The following KCNIP4 variants were observed in gnomAD, a reference collection of about 807,000 sequenced individuals.
KCNIP4 encodes the protein Kv channel-interacting protein 4.
In KCNIP4, 12 loss-of-function variants were observed where a neutral mutation model predicts 34.0. That is an observed-to-expected ratio of 0.35 (90% CI 0.23 to 0.57). The LOEUF is 0.57. KCNIP4 is among the 20% of genes least tolerant of loss of function. The pLI is 0.83. For missense variants in KCNIP4, 238 were observed against 311.7 expected (o/e 0.76, Z 1.78); for synonymous variants, 124 against 102.2 (o/e 1.21, Z -1.29).
intron 1 of KCNIP4, among the ~76,000 whole-genome samples, chr4:20,981,832 T>C (rs1349442578): frequency 6.6e-6 from 1 of 152,188 alleles, no homozygotes; most frequent in African/African-American, 2.4e-5. Context: ...TCTATAAATA[T>C]TTATGTACAT....
At chr4:20,733,912 G>T (rs1228742522) in intron 6 of KCNIP4, among the ~76,000 whole-genome samples, 1 of 152,132 alleles carries the variant, frequency 6.6e-6, no homozygotes, top group East Asian at 1.9e-4. Context: ...AGTAGCGCAA[G>T]TTCATGTCAT....
intron 1 of KCNIP4, among the ~76,000 whole-genome samples, chr4:21,362,859 A>G (rs775790321): frequency 4.6e-5 from 7 of 152,200 alleles, no homozygotes; most frequent in Non-Finnish European, 8.8e-5. Flanking sequence ...TCCTGTCTAC[A>G]GAACACAACT....
chr4:20,997,222 A>G (rs1160361504), intron 1 of KCNIP4, among the ~76,000 whole-genome samples: 1 of 152,220 alleles, frequency 6.6e-6, no homozygotes, highest in African/African-American at 2.4e-5. Flanking sequence ...CAACCATGAA[A>G]GAAAAGAGAA....
chr4:21,428,093 G>A (rs932857939), intron 1 of KCNIP4, among the ~76,000 whole-genome samples: 1 of 152,132 alleles, frequency 6.6e-6, no homozygotes, highest in African/African-American at 2.4e-5. Flanking sequence ...GACAAATACG[G>A]TAACCTGGAG....
intron 1 of KCNIP4, among the ~76,000 whole-genome samples, chr4:21,750,277 C>A (rs544612991): frequency 6.6e-6 from 1 of 152,152 alleles, no homozygotes; most frequent in Non-Finnish European, 1.5e-5. Context: ...GTGATGCTGG[C>A]ATTTCAAACA....
chr4:21,343,772 T>C (rs897874025), intron 1 of KCNIP4, among the ~76,000 whole-genome samples: 2 of 152,214 alleles, frequency 1.3e-5, no homozygotes, highest in South Asian at 2.1e-4. Context: ...ACGCAGGCTC[T>C]TTTTTGCCAC....
chr4:21,306,568 G>A (rs568628158), intron 1 of KCNIP4, among the ~76,000 whole-genome samples: 4 of 152,188 alleles, frequency 2.6e-5, no homozygotes, highest in East Asian at 1.9e-4. Flanking sequence ...CATTAACTCC[G>A]GTAACTTTGG....
chr4:21,647,132 CT>C (rs1379739804), intron 1 of KCNIP4, among the ~76,000 whole-genome samples: 3 of 151,946 alleles, frequency 2.0e-5, no homozygotes, highest in Admixed American at 2.0e-4. Flanking sequence ...TTAAATATAT[CT>C]TTTAATCTAA....
chr4:21,614,799 G>A lies in KCNIP4; in HGVS notation c.61+333772C>T, dbSNP rs190249536. On this transcript the variant is annotated intron_variant, in intron 1 of 8. Coordinates refer to ENST00000382152, the MANE Select transcript of KCNIP4 (RefSeq NM_025221.6). ...AAAAAAGCTGACAAGTCAGGAATCC[G>A]TTTTAGGACACCTATGGGCATATTC... Among the ~76,000 whole-genome samples, 739 of 152,108 alleles carry A rather than the reference G, an allele frequency of 4.9e-3. 6 individuals carry two copies. Among genetic ancestry groups the A allele is most frequent in the Admixed American group, 7.7e-3 (117 of 15,266 alleles).
intron 1 of KCNIP4, among the ~76,000 whole-genome samples, chr4:21,249,586 GCA>G (rs1157294372): frequency 1.3e-5 from 2 of 152,058 alleles, no homozygotes; most frequent in African/African-American, 4.8e-5. Flanking sequence ...ACAGTGTCCA[GCA>G]CAGAGTAGGT....
At chr4:20,863,979 C>T (rs895964732) in intron 2 of KCNIP4, among the ~76,000 whole-genome samples, 1 of 144,930 alleles carries the variant, frequency 6.9e-6, no homozygotes, top group Non-Finnish European at 1.6e-5. Context: ...TACATATATA[C>T]ATATGTATAA....
At chr4:21,033,884 T>C (rs1024575728) in intron 1 of KCNIP4, among the ~76,000 whole-genome samples, 2 of 152,182 alleles carry the variant, frequency 1.3e-5, no homozygotes, top group Admixed American at 6.6e-5. Context: ...GTGGAAGATA[T>C]TGACTTGTAC....
At chr4:21,678,974 T>G (rs1750128662) in intron 1 of KCNIP4, among the ~76,000 whole-genome samples, 1 of 152,032 alleles carries the variant, frequency 6.6e-6, no homozygotes, top group Admixed American at 6.6e-5. Context: ...AGAGAAAATT[T>G]AGGCACACAG....
At chr4:21,346,727 G>A (rs1717466690) in intron 1 of KCNIP4, among the ~76,000 whole-genome samples, 1 of 152,142 alleles carries the variant, frequency 6.6e-6, no homozygotes, top group South Asian at 2.1e-4. Context: ...TGATGGGACT[G>A]AGGATTATGC....
At chr4:21,062,108 C>A (rs1577619865) in intron 1 of KCNIP4, among the ~76,000 whole-genome samples, 1 of 152,266 alleles carries the variant, frequency 6.6e-6, no homozygotes, top group East Asian at 1.9e-4. Context: ...ACAAATAATA[C>A]ATAATTCATG....
intron 1 of KCNIP4, among the ~76,000 whole-genome samples, chr4:21,552,621 G>A (rs1426817207): frequency 6.6e-6 from 1 of 152,114 alleles, no homozygotes; most frequent in African/African-American, 2.4e-5. Context: ...CTGCAACTGA[G>A]AATACTTTTA....
chr4:21,114,117 C>T (rs1749486601), intron 1 of KCNIP4, among the ~76,000 whole-genome samples: 1 of 152,172 alleles, frequency 6.6e-6, no homozygotes. Context: ...ACTACCCATA[C>T]AGCTTCAGAA....
intron 1 of KCNIP4, among the ~76,000 whole-genome samples, chr4:20,945,781 G>C (rs1220110850): frequency 6.6e-6 from 1 of 152,170 alleles, no homozygotes; most frequent in East Asian, 1.9e-4. Context: ...TCCACTGTTA[G>C]AGTTCAGGCA....
intron 1 of KCNIP4, among the ~76,000 whole-genome samples, chr4:21,117,796 T>C (rs1315451363): frequency 1.3e-5 from 2 of 152,104 alleles, no homozygotes; most frequent in Non-Finnish European, 2.9e-5. Context: ...GTTTTGCCTC[T>C]ACTGGGGAGT....
Sources: allele counts gnomAD v4.1 joint callset (sites outside exome capture counted in the v4.1 genomes callset), GRCh38; gene constraint gnomAD v4.1.1; transcripts MANE v1.5; gene names NCBI Gene and HGNC (gene_info 2026-07-23, HGNC 2026-07-21).